Variants in OLFM2 observed in about 807,000 individuals in gnomAD.
The protein encoded by OLFM2 is noelin-2.
Under a neutral mutation model 43.9 loss-of-function variants are expected in OLFM2, and 20 were observed. The ratio of observed to expected loss-of-function variants is 0.46; its 90% confidence interval spans 0.32 to 0.66. OLFM2 has a LOEUF of 0.66. Among genes scored for constraint, OLFM2 ranks in the 30% least tolerant of loss-of-function variants. OLFM2 has a pLI of 0.04. For synonymous variants in OLFM2, 268 were observed against 278.6 expected, an observed-to-expected ratio of 0.96 and a Z score of 0.38; for missense variants, 416 against 643.6, an observed-to-expected ratio of 0.65 and a Z score of 3.83.
At chr19:9,930,211 A>G (rs886713470) in intron 1 of OLFM2, among the ~76,000 whole-genome samples, 1 of 152,212 alleles carries the variant, frequency 6.6e-6, no homozygotes, top group African/African-American at 2.4e-5. Context: ...ACACATGCCT[A>G]TGGGGCCAAA....
intron 1 of OLFM2, among the ~76,000 whole-genome samples, chr19:9,923,570 AGAAAG>A (rs2086433351): frequency 6.6e-6 from 1 of 150,504 alleles, no homozygotes; most frequent in African/African-American, 2.5e-5. Flanking sequence ...AAAAAAAAAA[AGAAAG>A]AAAAGAAAGA....
rs771657724 is a variant in OLFM2, at chr19:9,860,810, G to C, written c.64-16C>G. On this transcript the variant is annotated splice_polypyrimidine_tract_variant and intron_variant, in intron 1 of 5. Coordinates refer to ENST00000264833, the MANE Select transcript of OLFM2 (RefSeq NM_058164.4). ...GGAAGAGAGTCTGCAAAGAGGTGGG[G>C]GTCAGAGACCGGAATCCCAGTGAGG... is the stretch of plus-strand genomic sequence containing the variant. The C allele has an allele frequency of 1.9e-6, 3 of 1,596,188 alleles. No homozygotes were observed. Among genetic ancestry groups the C allele is most frequent in the Non-Finnish European group, 2.6e-6 (3 of 1,174,342 alleles).
chr19:9,872,122 C>G (rs963386077), intron 1 of OLFM2, among the ~76,000 whole-genome samples: 1 of 152,158 alleles, frequency 6.6e-6, no homozygotes, highest in South Asian at 2.1e-4. Context: ...CAGGGGGCCA[C>G]GTCCCTTTGG....
intron 1 of OLFM2, among the ~76,000 whole-genome samples, chr19:9,884,046 T>C (rs554720431): frequency 2.0e-5 from 3 of 152,112 alleles, no homozygotes; most frequent in African/African-American, 4.8e-5. Context: ...GGTGAAAGGA[T>C]GGCTTGAGCC....
intron 1 of OLFM2, among the ~76,000 whole-genome samples, chr19:9,908,961 C>T (rs1435053705): frequency 1.3e-5 from 2 of 152,112 alleles, no homozygotes; most frequent in Admixed American, 1.3e-4. Flanking sequence ...CCACCTTGAC[C>T]CCTCAAAGTG....
chr19:9,882,919 C>T (rs1454848755), intron 1 of OLFM2, among the ~76,000 whole-genome samples: 1 of 148,502 alleles, frequency 6.7e-6, no homozygotes, highest in African/African-American at 2.5e-5. Context: ...AAAAAAAAAG[C>T]CAGGCGCAGT....
At chr19:9,926,156 TA>T (rs1052964897) in intron 1 of OLFM2, among the ~76,000 whole-genome samples, 8 of 146,672 alleles carry the variant, frequency 5.5e-5, no homozygotes, top group African/African-American at 2.1e-4. Flanking sequence ...GACTTTTTTT[TA>T]AAAAAAAGCT....
chr19:9,886,197 GGTTTTT>G (rs923627276), intron 1 of OLFM2, among the ~76,000 whole-genome samples: 9 of 152,114 alleles, frequency 5.9e-5, no homozygotes, highest in Admixed American at 6.6e-5. Context: ...AACCTAAGAG[GGTTTTT>G]GTTTTTGTTT....
intron 1 of OLFM2, among the ~76,000 whole-genome samples, chr19:9,890,826 C>T (rs116785280): frequency 0.016 from 2,392 of 152,156 alleles, 68 homozygotes; most frequent in African/African-American, 0.053. Flanking sequence ...TGGAGGTGCA[C>T]ACTTATATTC....
intron 1 of OLFM2, among the ~76,000 whole-genome samples, chr19:9,873,114 A>G (rs896731412): frequency 6.6e-6 from 1 of 152,204 alleles, no homozygotes; most frequent in African/African-American, 2.4e-5. Context: ...TTTGGATGCC[A>G]GCCTATCAGA....
chr19:9,859,644 A>G (rs2046351829), intron 2 of OLFM2, among the ~76,000 whole-genome samples: 1 of 152,212 alleles, frequency 6.6e-6, no homozygotes, highest in African/African-American at 2.4e-5. Context: ...AAACTTTTAT[A>G]GGAGCCTCTT....
At position 9,919,176 on chromosome 19, in the gene OLFM2, C is replaced by CTTTTT. The variant is rs36124685; in HGVS notation, c.63+17123_63+17127dup. ...ACGCAGTGAGACCTCATTTCTCTCT[C>CTTTTT]TTTTTTTTGAGATGGAGTCTCGCTC... On this transcript the variant is annotated intron_variant, in intron 1 of 5. Coordinates refer to ENST00000264833, the MANE Select transcript of OLFM2 (RefSeq NM_058164.4). Among the ~76,000 whole-genome samples the CTTTTT allele has an allele frequency of 3.1e-4, 46 of 149,250 alleles. 1 individual carries two copies. The highest frequency in any genetic ancestry group is 3.5e-3 in the Middle Eastern group (1 of 288).
chr19:9,882,898 TA>T (rs890287851), intron 1 of OLFM2, among the ~76,000 whole-genome samples: 2 of 149,448 alleles, frequency 1.3e-5, no homozygotes, highest in East Asian at 3.9e-4. Context: ...CCCTATCTAT[TA>T]AAAAAAATAA....
At chr19:9,866,418 C>T (rs551158230) in intron 1 of OLFM2, among the ~76,000 whole-genome samples, 6 of 151,754 alleles carry the variant, frequency 4.0e-5, no homozygotes, top group Admixed American at 3.3e-4. Flanking sequence ...AGAACACAGG[C>T]GTTCTCCAGC....
intron 1 of OLFM2, among the ~76,000 whole-genome samples, chr19:9,885,475 A>G (rs1250831166): frequency 6.6e-6 from 1 of 152,154 alleles, no homozygotes; most frequent in Non-Finnish European, 1.5e-5. Flanking sequence ...GGCTCTGCCC[A>G]GAGCTGCTGA....
At chr19:9,896,937 A>C (rs1464098626) in intron 1 of OLFM2, among the ~76,000 whole-genome samples, 3 of 152,150 alleles carry the variant, frequency 2.0e-5, no homozygotes, top group African/African-American at 7.2e-5. Flanking sequence ...CACACCTATA[A>C]TCCTAGCAGT....
chr19:9,936,098 T>C, intron 1 of OLFM2, among the ~76,000 whole-genome samples: 1 of 143,980 alleles, frequency 6.9e-6, no homozygotes, highest in Admixed American at 6.9e-5. Context: ...CCAGCCCAGC[T>C]TGAGGCTGGA....
intron 1 of OLFM2, among the ~76,000 whole-genome samples, chr19:9,899,491 C>A (rs1264549247): frequency 2.6e-5 from 4 of 152,092 alleles, no homozygotes; most frequent in Non-Finnish European, 4.4e-5. Flanking sequence ...AAAGAGCTTA[C>A]CCCAGTGACC....
intron 1 of OLFM2, among the ~76,000 whole-genome samples, chr19:9,873,796 A>ATTTTTT (rs71188848): frequency 1.4e-5 from 1 of 70,480 alleles, no homozygotes; most frequent in East Asian, 5.4e-4. Flanking sequence ...TGCCCAGCTA[A>ATTTTTT]TTTTTTTTTT....
Sources: gnomAD v4.1 joint callset for allele counts (sites outside exome capture counted in the v4.1 genomes callset) on GRCh38, gnomAD v4.1.1 for gene constraint, MANE v1.5 for transcripts, NCBI Gene and HGNC (gene_info 2026-07-23, HGNC 2026-07-21) for gene names.